P2RY8: variants seen among roughly 807,000 people sequenced by gnomAD.
The protein encoded by P2RY8 is S-geranylgeranyl-glutathione receptor P2RY8.
A neutral mutation model predicts 10.0 loss-of-function variants in P2RY8; 6 were observed. That is an observed-to-expected ratio of 0.60 (90% CI 0.33 to 1.19). The LOEUF is 1.19. Among genes scored for constraint, P2RY8 ranks in the 50% most tolerant of loss-of-function variants. The probability of loss-of-function intolerance (pLI) is 0.04; values close to 1 mark genes in which losing one functional copy is unlikely to be tolerated. For synonymous variants in P2RY8, 276 were observed against 252.5 expected (o/e 1.09, Z -0.88); for missense variants, 456 against 542.0 (o/e 0.84, Z 1.58).
In P2RY8 at chrX:1,462,668, T is replaced by G. The variant is rs2091599484; in HGVS notation, c.*2811A>C. On this transcript the variant is annotated 3_prime_UTR_variant, in exon 2 of 2. Coordinates refer to ENST00000381297, the MANE Select transcript of P2RY8 (RefSeq NM_178129.5). ...TCACTGTGTTGCCTAGGTTGGCCCT[T>G]GAACACCCGGACTCAATCAGTCCTC... 4.3e-6 allele frequency: 1 copy of G among 232,984 alleles called. No homozygotes were observed. The highest frequency in any genetic ancestry group is 1.8e-4 in the South Asian group (1 of 5,524). 14.4% of individuals were successfully genotyped at this position (232,984 alleles called of 1,614,324 possible).
At chrX:1,486,428 C>T (rs1401703202) in intron 1 of P2RY8, among the ~76,000 whole-genome samples, 1 of 152,130 alleles carries the variant, frequency 6.6e-6, no homozygotes, top group African/African-American at 2.4e-5. Flanking sequence ...TGTGGATGAA[C>T]CTTGAAGACA....
At chrX:1,473,748 T>A (rs1362189314) in intron 1 of P2RY8, among the ~76,000 whole-genome samples, 1 of 111,870 alleles carries the variant, frequency 8.9e-6, no homozygotes, top group Non-Finnish European at 1.8e-5. Flanking sequence ...GGATGGATGA[T>A]GAATGGATGG....
At chrX:1,504,770 T>C (rs1289403122) in intron 1 of P2RY8, among the ~76,000 whole-genome samples, 1 of 151,932 alleles carries the variant, frequency 6.6e-6, no homozygotes, top group African/African-American at 2.4e-5. Flanking sequence ...GCGGATCACC[T>C]GAGGTCAGGA....
chrX:1,470,871 C>T (rs1391845661), intron 1 of P2RY8, among the ~76,000 whole-genome samples: 1 of 144,520 alleles, frequency 6.9e-6, no homozygotes, highest in Non-Finnish European at 1.5e-5. Context: ...GAGTCTTGCT[C>T]TGTTGCCCAG....
At chrX:1,493,102 A>G (rs148232601) in intron 1 of P2RY8, among the ~76,000 whole-genome samples, 10,988 of 150,770 alleles carry the variant, frequency 0.073, 891 homozygotes, top group African/African-American at 0.2. Context: ...CCTGGTCAAC[A>G]TAGTGAGACC....
intron 1 of P2RY8, among the ~76,000 whole-genome samples, chrX:1,467,879 A>G (rs1381029007): frequency 2.0e-5 from 3 of 151,964 alleles, no homozygotes; most frequent in Non-Finnish European, 4.4e-5. Context: ...GAGTTTTGCT[A>G]TGTTTCCCAG....
intron 1 of P2RY8, among the ~76,000 whole-genome samples, chrX:1,504,932 A>T (rs776806285): frequency 1.3e-5 from 2 of 152,194 alleles, no homozygotes; most frequent in African/African-American, 4.8e-5. Flanking sequence ...GGAGATCGAG[A>T]CCATCCTGGC....
chrX:1,505,657 G>A (rs1346918417), intron 1 of P2RY8, among the ~76,000 whole-genome samples: 1 of 152,122 alleles, frequency 6.6e-6, no homozygotes, highest in Non-Finnish European at 1.5e-5. Context: ...GGGTGTGGTG[G>A]CGGGCGCCTG....
chrX:1,511,234 T>C (rs1929551186), intron 1 of P2RY8, among the ~76,000 whole-genome samples: 1 of 152,144 alleles, frequency 6.6e-6, no homozygotes, highest in Non-Finnish European at 1.5e-5. Flanking sequence ...ACAGCCTCAT[T>C]GGGGCACATT....
Position 1,515,203 on chromosome X carries a change from G to A in P2RY8, c.-25+21718C>T, listed in dbSNP as rs565403453. ...TGGGATTACAGGCATCAGCCACCGC[G>A]CCCAACCTGCCTTTTTCTTTTCTTT... On this transcript the variant is annotated intron_variant, in intron 1 of 1. Coordinates refer to ENST00000381297, the MANE Select transcript of P2RY8 (RefSeq NM_178129.5). Among the ~76,000 whole-genome samples, 15 of 144,488 alleles carry A rather than the reference G, an allele frequency of 1.0e-4. No homozygotes were observed. In the South Asian group the frequency reaches 1.1e-3, roughly 11 times the overall value. 94.8% of individuals were successfully genotyped at this position (144,488 alleles called of 152,430 possible).
At chrX:1,491,834 G>C (rs1228433977) in intron 1 of P2RY8, among the ~76,000 whole-genome samples, 1 of 151,926 alleles carries the variant, frequency 6.6e-6, no homozygotes, top group Non-Finnish European at 1.5e-5. Context: ...TGAGAATGCA[G>C]AGCGAATGAG....
At chrX:1,486,064 C>A (rs1268045043) in intron 1 of P2RY8, among the ~76,000 whole-genome samples, 10 of 152,054 alleles carry the variant, frequency 6.6e-5, no homozygotes, top group Non-Finnish European at 1.2e-4. Context: ...ACTAAAAATA[C>A]AAAATTATCT....
chrX:1,504,362 T>G (rs1408523015), intron 1 of P2RY8, among the ~76,000 whole-genome samples: 1 of 151,682 alleles, frequency 6.6e-6, no homozygotes. Flanking sequence ...TTTGCCCCCC[T>G]TGAAGCTTCT....
intron 1 of P2RY8, among the ~76,000 whole-genome samples, chrX:1,518,931 C>T (rs2092371116): frequency 6.6e-6 from 1 of 151,514 alleles, no homozygotes; most frequent in Admixed American, 6.6e-5. Flanking sequence ...CCTTGGCCCC[C>T]AATAATCTTC....
At chrX:1,516,607 G>C (rs185858231) in intron 1 of P2RY8, among the ~76,000 whole-genome samples, 1 of 151,934 alleles carries the variant, frequency 6.6e-6, no homozygotes, top group Non-Finnish European at 1.5e-5. Context: ...AAGTCCAGGA[G>C]AGAGGCCTCA....
intron 1 of P2RY8, among the ~76,000 whole-genome samples, chrX:1,526,425 T>C (rs187633333): frequency 2.4e-4 from 37 of 151,984 alleles, no homozygotes; most frequent in Admixed American, 7.2e-4. Flanking sequence ...ATCCATTCAT[T>C]CATTCATTCA....
At chrX:1,484,746 A>AAAAAAAG (rs1556677398) in intron 1 of P2RY8, among the ~76,000 whole-genome samples, 1 of 110,360 alleles carries the variant, frequency 9.1e-6, no homozygotes, top group Non-Finnish European at 1.8e-5. Flanking sequence ...AAAAAAAAAA[A>AAAAAAAG]AAGAAGAAGA....
chrX:1,473,327 T>C (rs2091819899), intron 1 of P2RY8, among the ~76,000 whole-genome samples: 2 of 110,634 alleles, frequency 1.8e-5, no homozygotes, highest in African/African-American at 7.2e-5. Flanking sequence ...GATGGGTAGA[T>C]GGATGCATGG....
At position 1,465,978 on chromosome X, in the gene P2RY8, A is replaced by T. The variant is rs2091667428; in HGVS notation, c.581T>A (p.Leu194His). The T allele has an allele frequency of 6.2e-7, 1 of 1,612,300 alleles. No individual in the cohort carries two copies. The highest frequency in any genetic ancestry group is 1.3e-5 in the African/African-American group (1 of 74,902). ...LPSVAMWAVF[L>H]FTIFILLFLI... Reference sequence around the variant, plus strand: ...GAACAGCAGGATGAAGATGGTGAAGAGGAACACGGCCCACATGGCCACGCT... The same window carrying T: ...GAACAGCAGGATGAAGATGGTGAAGTGGAACACGGCCCACATGGCCACGCT... The change falls in exon 2 of 2, where the codon CTC becomes CAC. Residue 194 changes from leucine (L) to histidine (H), a missense_variant. Transcript: ENST00000381297.
Sources: allele counts gnomAD v4.1 joint callset (sites outside exome capture counted in the v4.1 genomes callset), GRCh38; gene constraint gnomAD v4.1.1; transcripts MANE v1.5; gene names NCBI Gene and HGNC (gene_info 2026-07-23, HGNC 2026-07-21).